Variants in NETO1 observed in about 807,000 individuals in gnomAD.
The protein encoded by NETO1 is neuropilin and tolloid-like protein 1.
Under a neutral mutation model 61.3 loss-of-function variants are expected in NETO1, and 26 were observed. The observed-to-expected ratio is 0.42, with a 90% CI of 0.31 to 0.59. The LOEUF (loss-of-function observed/expected upper bound fraction) is 0.59. Among genes scored for constraint, NETO1 ranks in the 20% least tolerant of loss-of-function variants. The pLI is 0.12. For synonymous variants in NETO1, 225 were observed against 225.8 expected (o/e 1.00, Z 0.03); for missense variants, 531 against 662.8 (o/e 0.80, Z 2.18).
At chr18:72,853,394 T>A (rs1568264070) in intron 4 of NETO1, 1 of 152,778 alleles carries the variant, frequency 6.5e-6, no homozygotes, top group Admixed American at 6.5e-5. Flanking sequence ...CACCAAGTCA[T>A]AGTTAAAAAG....
chr18:72,859,929 C>A (rs1377362163), intron 3 of NETO1, among the ~76,000 whole-genome samples: 69 of 148,710 alleles, frequency 4.6e-4, no homozygotes, highest in Admixed American at 1.2e-3. Flanking sequence ...CGAAAATTTC[C>A]AAAAAAAAAA....
At chr18:72,790,664 C>A (rs1177068855) in intron 6 of NETO1, among the ~76,000 whole-genome samples, 1 of 152,064 alleles carries the variant, frequency 6.6e-6, no homozygotes, top group African/African-American at 2.4e-5. Flanking sequence ...GTTACATTAA[C>A]AGCTATTTCT....
chr18:72,809,694 C>A (rs976375659), intron 4 of NETO1, among the ~76,000 whole-genome samples: 1 of 152,126 alleles, frequency 6.6e-6, no homozygotes, highest in African/African-American at 2.4e-5. Context: ...TTGTTGTAGC[C>A]TCATTGGCTA....
At chr18:72,777,490 C>G (rs1181981782) in intron 7 of NETO1, among the ~76,000 whole-genome samples, 1 of 151,314 alleles carries the variant, frequency 6.6e-6, no homozygotes, top group South Asian at 2.1e-4. Context: ...GCCTGTAATC[C>G]CAGCACTTTG....
chr18:72,785,108 T>A (rs2071869143), intron 6 of NETO1, among the ~76,000 whole-genome samples: 1 of 152,208 alleles, frequency 6.6e-6, no homozygotes, highest in Non-Finnish European at 1.5e-5. Context: ...TATACGCTAT[T>A]TCCTCTTAAA....
At chr18:72,807,253 C>A (rs2072704224) in intron 4 of NETO1, among the ~76,000 whole-genome samples, 1 of 152,098 alleles carries the variant, frequency 6.6e-6, no homozygotes, top group South Asian at 2.1e-4. Context: ...TTCATGTGGG[C>A]ACAGAGTATA....
intron 7 of NETO1, among the ~76,000 whole-genome samples, chr18:72,761,913 A>C (rs2145134221): frequency 6.6e-6 from 1 of 152,292 alleles, no homozygotes; most frequent in South Asian, 2.1e-4. Flanking sequence ...AGTTTTGGTG[A>C]GTCTCAGGGC....
intron 6 of NETO1, among the ~76,000 whole-genome samples, chr18:72,790,650 CTG>C (rs1208614432): frequency 6.6e-6 from 1 of 152,004 alleles, no homozygotes; most frequent in East Asian, 1.9e-4. Context: ...AAAGGCTTCT[CTG>C]TGTTACATTA....
At position 72,782,490 on chromosome 18, in the gene NETO1, T is replaced by C. The variant is rs974807125; in HGVS notation, c.868+1188A>G. Among the ~76,000 whole-genome samples the C allele has an allele frequency of 2.0e-5, 3 of 152,040 alleles. No individual in the cohort carries two copies. The East Asian group carries it at 5.8e-4, about 29-fold the overall frequency. The stretch of plus-strand genomic sequence containing the variant: ...TTTCCCACAACGTCACCAGCATCTG[T>C]TATTGTTTGACTTTTAATAACAGCT... On this transcript the variant is annotated intron_variant, in intron 7 of 10. Coordinates refer to ENST00000327305, the MANE Select transcript of NETO1 (RefSeq NM_138966.5).
chr18:72,863,957 C>T (rs763990943), intron 3 of NETO1, among the ~76,000 whole-genome samples: 3 of 152,150 alleles, frequency 2.0e-5, no homozygotes, highest in Non-Finnish European at 2.9e-5. Flanking sequence ...CCATGGTTCA[C>T]GCCTGTAATC....
chr18:72,847,376 G>A (rs1023261732), intron 4 of NETO1, among the ~76,000 whole-genome samples: 18 of 152,198 alleles, frequency 1.2e-4, no homozygotes, highest in African/African-American at 4.3e-4. Context: ...AAGCAAGTCA[G>A]CAGAGCTGTG....
At chr18:72,853,751 C>CAA (rs5826212) in intron 4 of NETO1, among the ~76,000 whole-genome samples, 30,004 of 141,092 alleles carry the variant, frequency 0.21, 3,518 homozygotes, top group Middle Eastern at 0.28. Context: ...AGTGAGATGT[C>CAA]AAAAAAAAAA....
At chr18:72,799,453 A>G (rs549687074) in intron 4 of NETO1, among the ~76,000 whole-genome samples, 14 of 152,358 alleles carry the variant, frequency 9.2e-5, no homozygotes, top group African/African-American at 3.1e-4. Flanking sequence ...ATTACATATC[A>G]GGAAAACTGA....
intron 4 of NETO1, among the ~76,000 whole-genome samples, chr18:72,855,705 A>C (rs1370381547): frequency 6.6e-6 from 1 of 152,130 alleles, no homozygotes; most frequent in Non-Finnish European, 1.5e-5. Flanking sequence ...AAAGAAATAG[A>C]AAAAAAATTC....
intron 4 of NETO1, chr18:72,834,271 T>C: frequency 1.3e-6 from 1 of 794,178 alleles, no homozygotes; most frequent in Non-Finnish European, 1.5e-6. Context: ...ATATTGACTA[T>C]CCCTACAATA....
At chr18:72,842,804 G>C (rs1205539318) in intron 4 of NETO1, among the ~76,000 whole-genome samples, 1 of 152,088 alleles carries the variant, frequency 6.6e-6, no homozygotes, top group Non-Finnish European at 1.5e-5. Context: ...ATACGTCATA[G>C]GTATAGCACA....
chr18:72,796,686 G>A (rs972495013), intron 4 of NETO1, among the ~76,000 whole-genome samples: 2 of 151,868 alleles, frequency 1.3e-5, no homozygotes, highest in African/African-American at 4.8e-5. Flanking sequence ...CCATGGTCTC[G>A]ATCTCCTGAC....
At chr18:72,825,520 CTTTG>C (rs2073346829) in intron 4 of NETO1, among the ~76,000 whole-genome samples, 1 of 151,458 alleles carries the variant, frequency 6.6e-6, no homozygotes, top group East Asian at 1.9e-4. Context: ...TTCTTAGTTT[CTTTG>C]TTTTATTTCA....
intron 7 of NETO1, among the ~76,000 whole-genome samples, chr18:72,780,532 G>A (rs1253534045): frequency 3.9e-5 from 6 of 151,952 alleles, no homozygotes; most frequent in Admixed American, 2.6e-4. Context: ...GATGTTAGCC[G>A]GTCTTTTCAC....
Sources: gnomAD v4.1 joint callset for allele counts (sites outside exome capture counted in the v4.1 genomes callset) on GRCh38, gnomAD v4.1.1 for gene constraint, MANE v1.5 for transcripts, NCBI Gene and HGNC (gene_info 2026-07-23, HGNC 2026-07-21) for gene names.